OR51B5: variants seen among roughly 807,000 people sequenced by gnomAD.
OR51B5 encodes the protein olfactory receptor family 51 subfamily B member 5.
For synonymous variants in OR51B5, 186 were observed against 144.8 expected (o/e 1.28, Z -2.04); for missense variants, 456 against 374.6 (o/e 1.22, Z -1.79).
At chr11:5,475,896 CTA>C (rs10532316) in intron 1 of OR51B5, among the ~76,000 whole-genome samples, 25,015 of 152,138 alleles carry the variant, frequency 0.16, 2,172 homozygotes, top group Middle Eastern at 0.27. Flanking sequence ...CCTATTCAAC[CTA>C]TGTTTCTTTG....
chr11:5,344,708 G>C (rs1038180401), upstream of OR51B5, among the ~76,000 whole-genome samples: 2 of 152,152 alleles, frequency 1.3e-5, no homozygotes, highest in Non-Finnish European at 2.9e-5. Flanking sequence ...TTGTGAACAC[G>C]CATCATGTGA....
At chr11:5,436,788 G>T (rs923191927) in intron 1 of OR51B5, among the ~76,000 whole-genome samples, 1 of 152,148 alleles carries the variant, frequency 6.6e-6, no homozygotes, top group Non-Finnish European at 1.5e-5. Context: ...CAGAATTGTA[G>T]CTAGAAACAC....
chr11:5,411,811 G>A (rs2133750735), intron 1 of OR51B5, among the ~76,000 whole-genome samples: 1 of 152,284 alleles, frequency 6.6e-6, no homozygotes, highest in East Asian at 1.9e-4. Flanking sequence ...AAAAGGCAAT[G>A]TCAGAAGGAC....
intron 1 of OR51B5, among the ~76,000 whole-genome samples, chr11:5,492,920 C>T (rs748649918): frequency 2.4e-4 from 37 of 152,272 alleles, no homozygotes; most frequent in Non-Finnish European, 4.6e-4. Flanking sequence ...CAGGCATGAG[C>T]CACCACACCC....
rs547962237 is a variant in OR51B5 at position 5,504,012 on chromosome 11, T to C, written n.84+1557A>G. 5.9e-5 allele frequency among the ~76,000 whole-genome samples: 9 copies of C among 152,202 alleles called. No homozygotes were observed. The South Asian group carries it at 1.9e-3, about 32-fold the overall frequency. On this transcript the variant is annotated intron_variant and non_coding_transcript_variant, in intron 1 of 4. Coordinates refer to the OR51B5 transcript ENST00000415970. ...ATAAACTAGGGATACTACTAATATCTGCGCTAAAGGACTATTGTGTGGAAT... is the reference window on the plus strand; with the variant it reads ...ATAAACTAGGGATACTACTAATATCCGCGCTAAAGGACTATTGTGTGGAAT...
At chr11:5,365,282 T>C (rs1241991100) in intron 1 of OR51B5, among the ~76,000 whole-genome samples, 2 of 152,196 alleles carry the variant, frequency 1.3e-5, no homozygotes, top group African/African-American at 4.8e-5. Flanking sequence ...ACAGTGTTAT[T>C]AGAATACCAC....
At chr11:5,426,192 G>C (rs1239368771) in intron 1 of OR51B5, among the ~76,000 whole-genome samples, 1 of 152,102 alleles carries the variant, frequency 6.6e-6, no homozygotes, top group African/African-American at 2.4e-5. Context: ...TCAATCAATG[G>C]TAGTCAAGGT....
chr11:5,489,421 A>G, intron 1 of OR51B5: 1 of 1,613,888 alleles, frequency 6.2e-7, no homozygotes, highest in South Asian at 1.1e-5. Flanking sequence ...TGCCCAGCAC[A>G]AAGCTCTGAG....
At chr11:5,374,887 GA>G (rs1849499801) in intron 1 of OR51B5, among the ~76,000 whole-genome samples, 1 of 151,906 alleles carries the variant, frequency 6.6e-6, no homozygotes, top group Non-Finnish European at 1.5e-5. Flanking sequence ...GGGGAGAATC[GA>G]ACCAAGTTGG....
intron 1 of OR51B5, among the ~76,000 whole-genome samples, chr11:5,428,864 G>C (rs574029514): frequency 6.6e-5 from 10 of 152,222 alleles, no homozygotes; most frequent in Non-Finnish European, 1.5e-4. Flanking sequence ...AAGACTACAG[G>C]ATTAGAAATA....
intron 1 of OR51B5, chr11:5,488,641 A>T: frequency 8.9e-7 from 1 of 1,125,556 alleles, no homozygotes; most frequent in East Asian, 2.4e-5. Context: ...AATCAACCAA[A>T]TATCTGATGT....
intron 1 of OR51B5, among the ~76,000 whole-genome samples, chr11:5,468,096 T>C (rs1851164772): frequency 6.6e-6 from 1 of 152,348 alleles, no homozygotes; most frequent in East Asian, 1.9e-4. Flanking sequence ...TTAAATATTC[T>C]GGGTTGATAT....
At chr11:5,441,476 T>TG (rs1483606486) in intron 1 of OR51B5, 1 of 1,612,978 alleles carries the variant, frequency 6.2e-7, no homozygotes, top group Non-Finnish European at 8.5e-7. Flanking sequence ...TCAGCTGGAG[T>TG]GTTGCTGGCT....
chr11:5,351,602 C>T, intron 1 of OR51B5: 1 of 1,614,114 alleles, frequency 6.2e-7, no homozygotes, highest in Non-Finnish European at 8.5e-7. Flanking sequence ...TTATTGGCAG[C>T]CTACATCTCC....
intron 1 of OR51B5, among the ~76,000 whole-genome samples, chr11:5,413,827 G>A (rs1227789064): frequency 4.6e-5 from 7 of 151,800 alleles, no homozygotes; most frequent in Admixed American, 2.6e-4. Flanking sequence ...TGAAAGTGAC[G>A]GGGAGAATGC....
upstream of OR51B5, among the ~76,000 whole-genome samples, chr11:5,344,368 C>G (rs1382489103): frequency 6.6e-6 from 1 of 152,166 alleles, no homozygotes; most frequent in Non-Finnish European, 1.5e-5. Flanking sequence ...TATAGGCCTA[C>G]TGAAGTAATT....
chr11:5,364,440 T>C (rs1849335779), intron 1 of OR51B5, among the ~76,000 whole-genome samples: 1 of 152,234 alleles, frequency 6.6e-6, no homozygotes, highest in African/African-American at 2.4e-5. Context: ...GAGCTGCACA[T>C]CTTTCTGTTT....
chr11:5,496,372 G>A (rs1055969821), intron 1 of OR51B5, among the ~76,000 whole-genome samples: 13 of 1,392 alleles, frequency 9.3e-3, no homozygotes, highest in Non-Finnish European at 0.017. Flanking sequence ...ACAAAAATGC[G>A]ATCATTCCAA....
intron 1 of OR51B5, among the ~76,000 whole-genome samples, chr11:5,496,914 T>C (rs565955692): frequency 1.8e-4 from 28 of 152,278 alleles, no homozygotes; most frequent in South Asian, 1.0e-3. Flanking sequence ...TAGACAGCAC[T>C]TCATTAGAGT....
Sources: allele counts gnomAD v4.1 joint callset (sites outside exome capture counted in the v4.1 genomes callset), GRCh38; gene constraint gnomAD v4.1.1; transcripts MANE v1.5; gene names NCBI Gene and HGNC (gene_info 2026-07-23, HGNC 2026-07-21).